Variants in RELN observed in about 807,000 individuals in gnomAD.
RELN encodes reelin.
In RELN, 108 loss-of-function variants were observed where a neutral mutation model predicts 427.6. The ratio of observed to expected loss-of-function variants is 0.25; its 90% CI spans 0.22 to 0.30. The LOEUF (loss-of-function observed/expected upper bound fraction) is 0.30, where lower values mean the gene tolerates loss of function less well. Ranked by LOEUF, RELN falls within the 10% of genes least tolerant of loss-of-function variation. The pLI, the probability that RELN is intolerant of heterozygous loss-of-function variation, is 1.00. For synonymous variants in RELN, 1,524 were observed against 1,513.4 expected, an observed-to-expected ratio of 1.01 and a Z score of -0.16; for missense variants, 3,715 against 4,302.8, an observed-to-expected ratio of 0.86 and a Z score of 3.82.
chr7:103,871,728 A>G (rs1794339356), intron 2 of RELN, among the ~76,000 whole-genome samples: 1 of 152,114 alleles, frequency 6.6e-6, no homozygotes, highest in African/African-American at 2.4e-5. Context: ...TGAAGAGAAT[A>G]CGATGAGAGA....
chr7:103,556,669 A>G (rs1830528735), intron 38 of RELN, among the ~76,000 whole-genome samples: 2 of 152,054 alleles, frequency 1.3e-5, no homozygotes, highest in South Asian at 2.1e-4. Context: ...CCACTTTTGC[A>G]TCTTCCTTAT....
chr7:103,697,425 C>T (rs1308492843), intron 10 of RELN, among the ~76,000 whole-genome samples: 1 of 152,008 alleles, frequency 6.6e-6, no homozygotes, highest in Admixed American at 6.6e-5. Context: ...GCCTTTGTAA[C>T]CCCCCAGGTC....
At chr7:103,862,448 T>TATCTATCTA (rs1794094898) in intron 2 of RELN, among the ~76,000 whole-genome samples, 1 of 151,890 alleles carries the variant, frequency 6.6e-6, no homozygotes, top group Non-Finnish European at 1.5e-5. Flanking sequence ...TCTATCTATC[T>TATCTATCTA]ATCTATCTAT....
intron 11 of RELN, among the ~76,000 whole-genome samples, chr7:103,663,405 C>A (rs1237987853): frequency 6.6e-6 from 1 of 152,116 alleles, no homozygotes. Flanking sequence ...ATAAATGAAA[C>A]CTGTAGAGTT....
At chr7:103,781,789 G>C (rs936687101) in intron 3 of RELN, among the ~76,000 whole-genome samples, 1 of 150,884 alleles carries the variant, frequency 6.6e-6, no homozygotes, top group African/African-American at 2.4e-5. Context: ...AGAATACAGA[G>C]TTATGGTACA....
At chr7:103,586,968 T>C (rs1250174094) in intron 28 of RELN, among the ~76,000 whole-genome samples, 2 of 152,196 alleles carry the variant, frequency 1.3e-5, no homozygotes, top group Non-Finnish European at 2.9e-5. Context: ...CAAAGCAATC[T>C]ACAGATGCAA....
chr7:103,728,918 G>A (rs1380695516), intron 6 of RELN, among the ~76,000 whole-genome samples: 1 of 152,152 alleles, frequency 6.6e-6, no homozygotes, highest in African/African-American at 2.4e-5. Flanking sequence ...CACGAATAAC[G>A]GAATTAGCTC....
intron 2 of RELN, among the ~76,000 whole-genome samples, chr7:103,916,149 CTG>C (rs1176837669): frequency 5.3e-5 from 8 of 152,190 alleles, no homozygotes; most frequent in African/African-American, 1.7e-4. Context: ...AGCATCAACA[CTG>C]TTGCTCTGAC....
At chr7:103,715,133 T>C (rs183104700) in intron 8 of RELN, among the ~76,000 whole-genome samples, 1 of 152,292 alleles carries the variant, frequency 6.6e-6, no homozygotes, top group Admixed American at 6.5e-5. Flanking sequence ...TTAGCGTTTA[T>C]TAACGAGAAA....
At chr7:103,737,379 C>T (rs1052805294) in intron 6 of RELN, among the ~76,000 whole-genome samples, 22 of 152,326 alleles carry the variant, frequency 1.4e-4, no homozygotes, top group Middle Eastern at 3.4e-3. Flanking sequence ...ATCAGTCTTA[C>T]TTCTTTCTGA....
At chr7:103,597,693 T>G (rs546680855) in intron 24 of RELN, among the ~76,000 whole-genome samples, 4 of 152,210 alleles carry the variant, frequency 2.6e-5, no homozygotes, top group Non-Finnish European at 5.9e-5. Flanking sequence ...GGAGAGATCA[T>G]TTAAATAAAT....
intron 1 of RELN, among the ~76,000 whole-genome samples, chr7:103,926,203 C>T (rs1184116831): frequency 7.0e-6 from 1 of 142,562 alleles, no homozygotes. Flanking sequence ...TCAGTTCAAG[C>T]GATTGTTCTG....
In RELN at chr7:103,565,510, C is replaced by T. The variant is rs1490209709; in HGVS notation, c.4978G>A (p.Ala1660Thr). The T allele has an allele frequency of 1.2e-6, 2 of 1,613,562 alleles. No homozygotes were observed. The highest frequency in any genetic ancestry group is 2.2e-5 in the East Asian group (1 of 44,820). Residue 1660 changes from alanine (A) to threonine (T), a missense_variant, in exon 34 of 65, where the codon GCA becomes ACA. This residue lies in a region of RELN where 2,208 missense variants were observed against 2,361.7 expected (regional missense o/e 0.93). Coordinates refer to ENST00000428762, the MANE Select transcript of RELN (RefSeq NM_005045.4). ...YAETWDFHVS[A>T]STFLQFEMSM... ...ATTTCAAACTGCAAAAAGGTAGATG[C>T]TGACACATGAAAATCCCAGGTCTCA...
intron 1 of RELN, among the ~76,000 whole-genome samples, chr7:103,971,902 CG>C (rs1055757085): frequency 6.0e-5 from 9 of 149,054 alleles, no homozygotes; most frequent in African/African-American, 2.2e-4. Flanking sequence ...GTGAAACCCC[CG>C]TCTCTAGTAA....
At chr7:103,557,880 G>A (rs1584293529) in intron 37 of RELN, 85 bp downstream of exon 37, 1 of 725,886 alleles carries the variant, frequency 1.4e-6, no homozygotes, top group Non-Finnish European at 2.5e-6. Flanking sequence ...CAAAACTTAT[G>A]GGCCTTAAAT....
At chr7:103,553,374 A>G (rs1305185492) in intron 40 of RELN, 87 bp downstream of exon 40, 1 of 1,028,728 alleles carries the variant, frequency 9.7e-7, no homozygotes, top group Non-Finnish European at 1.5e-6. Flanking sequence ...GTCATAATGC[A>G]TGAAATTATC....
At chr7:103,659,881 C>T (rs2117408475) in intron 12 of RELN, among the ~76,000 whole-genome samples, 1 of 152,216 alleles carries the variant, frequency 6.6e-6, no homozygotes, top group East Asian at 1.9e-4. Flanking sequence ...TATATCCTGG[C>T]TTAAGGCTCT....
rs148365887 is a variant in RELN at position 103,677,897 on chromosome 7, T to G, written c.1289+4219A>C. 4.6e-5 allele frequency among the ~76,000 whole-genome samples: 7 copies of G among 152,124 alleles called. No homozygotes were observed. The East Asian group carries it at 1.4e-3, about 29-fold the overall frequency. ...TGGAGCAATAATGAGACGCCTTTTGTAGTGTCTTCATTCAACATGTGTTCT... is the reference window on the plus strand; with the variant it reads ...TGGAGCAATAATGAGACGCCTTTTGGAGTGTCTTCATTCAACATGTGTTCT... On this transcript the variant is annotated intron_variant, in intron 11 of 64. Transcript: ENST00000428762.
intron 1 of RELN, among the ~76,000 whole-genome samples, chr7:103,926,924 C>T (rs981436018): frequency 5.9e-5 from 9 of 152,164 alleles, no homozygotes; most frequent in African/African-American, 2.2e-4. Context: ...GGATTACAGG[C>T]GTGAGCCACC....
Sources: gnomAD v4.1 joint callset for allele counts (sites outside exome capture counted in the v4.1 genomes callset) on GRCh38, gnomAD v4.1.1 for gene constraint, gnomAD v4.1.1 regional missense constraint, MANE v1.5 for transcripts, NCBI Gene and HGNC (gene_info 2026-07-23, HGNC 2026-07-21) for gene names.